The following SHROOM4 variants were observed in gnomAD, a reference collection of about 807,000 sequenced individuals.
The protein encoded by SHROOM4 is protein Shroom4.
A neutral mutation model predicts 80.3 loss-of-function variants in SHROOM4; 17 were observed. The observed-to-expected ratio is 0.21, with a 90% CI of 0.14 to 0.32. SHROOM4 has a LOEUF of 0.32. SHROOM4 is among the 10% of genes least tolerant of loss of function. SHROOM4 has a pLI of 1.00. For synonymous variants in SHROOM4, 400 were observed against 437.5 expected, an observed-to-expected ratio of 0.91 and a Z score of 1.07; for missense variants, 993 against 1,140.3, an observed-to-expected ratio of 0.87 and a Z score of 1.86.
At chrX:50,629,521 A>C (rs1388056121) in intron 4 of SHROOM4, among the ~76,000 whole-genome samples, 3 of 111,719 alleles carry the variant, frequency 2.7e-5, no homozygotes, top group Non-Finnish European at 5.6e-5. Flanking sequence ...GATACATGTA[A>C]AGCATCTAGA....
chrX:50,768,717 T>C (rs1383826302), intron 1 of SHROOM4, among the ~76,000 whole-genome samples: 1 of 112,220 alleles, frequency 8.9e-6, no homozygotes, highest in Non-Finnish European at 1.9e-5. Flanking sequence ...TTAATTCAAC[T>C]TTAATGGGTC....
chrX:50,712,172 A>C (rs781957896), intron 1 of SHROOM4, among the ~76,000 whole-genome samples: 1 of 111,982 alleles, frequency 8.9e-6, no homozygotes, highest in African/African-American at 3.2e-5. Flanking sequence ...CTTTTGTGTC[A>C]GCTTCAGCTT....
intron 2 of SHROOM4, among the ~76,000 whole-genome samples, chrX:50,652,849 T>C (rs1856247839): frequency 8.9e-6 from 1 of 112,168 alleles, no homozygotes. Flanking sequence ...CTTGTTTTTG[T>C]CAGGTTTGTC....
rs782062870 is a variant in SHROOM4, at chrX:50,635,110, G to A, written c.963C>T (p.Asn321=). Residue 321 remains asparagine, a synonymous_variant, in exon 4 of 9, where the codon AAC becomes AAT. Coordinates refer to ENST00000376020, the MANE Select transcript of SHROOM4 (RefSeq NM_020717.5). The part of the protein sequence containing the change: ...LSLEPVLPAR[N]PNRFCCLSGH... ...CACTGAGGCAACAGAACCTATTAGG[G>A]TTCCTTGCGGGTAGCACAGGCTCTA... 4 of 1,210,210 alleles carry A rather than the reference G, an allele frequency of 3.3e-6. No individual in the cohort carries two copies. The South Asian group carries it at 7.1e-5, about 21-fold the overall frequency.
At chrX:50,685,349 T>C (rs1286035176) in intron 2 of SHROOM4, among the ~76,000 whole-genome samples, 2 of 110,620 alleles carry the variant, frequency 1.8e-5, no homozygotes, top group African/African-American at 3.3e-5. Flanking sequence ...TGGGTAAGGG[T>C]TAATGTACAC....
chrX:50,781,214 A>G (rs1177814192), intron 1 of SHROOM4, among the ~76,000 whole-genome samples: 1 of 111,629 alleles, frequency 9.0e-6, no homozygotes, highest in African/African-American at 3.3e-5. Flanking sequence ...TTCAAATGCT[A>G]GTCTCTTCCA....
intron 1 of SHROOM4, among the ~76,000 whole-genome samples, chrX:50,761,540 T>C (rs1413039566): frequency 1.8e-5 from 2 of 111,982 alleles, no homozygotes; most frequent in Non-Finnish European, 3.8e-5. Flanking sequence ...TTTTCATTCA[T>C]CTGCTTGCTT....
At chrX:50,660,925 T>C (rs1245621187) in intron 2 of SHROOM4, among the ~76,000 whole-genome samples, 2 of 110,168 alleles carry the variant, frequency 1.8e-5, no homozygotes, top group African/African-American at 6.6e-5. Context: ...AGAGTATCTT[T>C]CATTTGTTTT....
At chrX:50,741,476 A>G (rs1225701474) in intron 1 of SHROOM4, among the ~76,000 whole-genome samples, 1 of 111,291 alleles carries the variant, frequency 9.0e-6, no homozygotes, top group African/African-American at 3.3e-5. Context: ...ATGAGGTGAT[A>G]TATATGTTAA....
intron 1 of SHROOM4, among the ~76,000 whole-genome samples, chrX:50,699,171 C>T (rs782571244): frequency 2.7e-5 from 3 of 112,235 alleles, no homozygotes; most frequent in Non-Finnish European, 5.6e-5. Context: ...CGATGGTTAA[C>T]TTATGTGTCA....
intron 1 of SHROOM4, among the ~76,000 whole-genome samples, chrX:50,747,736 A>C (rs1373858256): frequency 8.9e-6 from 1 of 112,244 alleles, no homozygotes; most frequent in African/African-American, 3.2e-5. Context: ...TGGCTCAAAC[A>C]AGAAAGAATT....
intron 1 of SHROOM4, among the ~76,000 whole-genome samples, chrX:50,772,974 C>A (rs782278661): frequency 4.5e-5 from 5 of 111,988 alleles, no homozygotes; most frequent in Non-Finnish European, 9.4e-5. Context: ...GGGGCCACAG[C>A]AGGAAACTTG....
At chrX:50,756,193 C>T (rs1935034872) in intron 1 of SHROOM4, among the ~76,000 whole-genome samples, 1 of 111,661 alleles carries the variant, frequency 9.0e-6, no homozygotes, top group Admixed American at 9.5e-5. Context: ...TCACTTTCTG[C>T]CTCCAAAGAT....
At chrX:50,655,627 ATTCT>A (rs1341360974) in intron 2 of SHROOM4, among the ~76,000 whole-genome samples, 8 of 108,146 alleles carry the variant, frequency 7.4e-5, no homozygotes, top group Non-Finnish European at 1.1e-4. Flanking sequence ...GAATAAATTC[ATTCT>A]TTATTCATTC....
At chrX:50,720,207 ATTTC>A (rs1325468705) in intron 1 of SHROOM4, among the ~76,000 whole-genome samples, 1 of 111,583 alleles carries the variant, frequency 9.0e-6, no homozygotes, top group Non-Finnish European at 1.9e-5. Flanking sequence ...GGATGTGAAA[ATTTC>A]TTCCCTCTCC....
At chrX:50,585,886 G>A (rs1557244783), downstream of SHROOM4, among the ~76,000 whole-genome samples, 2 of 110,484 alleles carry the variant, frequency 1.8e-5, no homozygotes, top group African/African-American at 3.3e-5. Context: ...TTTTAGTAAC[G>A]GTCTGAGTTT....
chrX:50,586,760 T>TA (rs1461121355), downstream of SHROOM4, among the ~76,000 whole-genome samples: 1 of 112,283 alleles, frequency 8.9e-6, no homozygotes, highest in Non-Finnish European at 1.9e-5. Context: ...GACAATTTTT[T>TA]AAAAATCTCA....
intron 1 of SHROOM4, among the ~76,000 whole-genome samples, chrX:50,760,166 A>G (rs1464497853): frequency 9.0e-6 from 1 of 110,729 alleles, no homozygotes; most frequent in African/African-American, 3.3e-5. Flanking sequence ...GAAATCTCCA[A>G]CTATTATTGT....
rs1557254564 is a variant in SHROOM4, at chrX:50,633,272, C to T, written c.2801G>A (p.Cys934Tyr). Residue 934 changes from cysteine (C) to tyrosine (Y), a missense_variant, in exon 4 of 9, where the codon TGT (cysteine) becomes TAT (tyrosine). By Grantham distance (194) the Cys-to-Tyr change is radical (BLOSUM62 -2). Coordinates refer to ENST00000376020, the MANE Select transcript of SHROOM4 (RefSeq NM_020717.5). ...CRCHHHQCIR[C>Y]SVCYHNPQHS... ...CTGAGGATTATGATAGCAAACTGAA[C>T]ACCGAATGCATTGGTGGTGGTGGCA... 8.3e-7 allele frequency: 1 copy of T among 1,211,232 alleles called. No individual in the cohort carries two copies. Among genetic ancestry groups the T allele is most frequent in the Non-Finnish European group, 1.1e-6 (1 of 895,412 alleles).
Sources: allele counts gnomAD v4.1 joint callset (sites outside exome capture counted in the v4.1 genomes callset), GRCh38; gene constraint gnomAD v4.1.1; transcripts MANE v1.5; gene names NCBI Gene and HGNC (gene_info 2026-07-23, HGNC 2026-07-21).